Variants in SZT2 observed in about 807,000 individuals in gnomAD.
SZT2 encodes the protein KICSTOR complex protein SZT2.
Under a neutral mutation model 404.2 loss-of-function variants are expected in SZT2, and 216 were observed. The ratio of observed to expected loss-of-function variants is 0.53; its 90% CI spans 0.48 to 0.60. SZT2 has a LOEUF of 0.60. Ranked by LOEUF, SZT2 falls within the 20% of genes least tolerant of loss-of-function variation. The probability of loss-of-function intolerance (pLI) is 0.00; values close to 1 mark genes in which losing one functional copy is unlikely to be tolerated. For missense variants in SZT2, 3,857 were observed against 4,459.2 expected (o/e 0.86, Z 3.85); for synonymous variants, 1,693 against 1,749.9 (o/e 0.97, Z 0.81).
chr1:43,439,262 T>TATCTACCTGCACCACATTCCCCAC lies in SZT2; in HGVS notation c.6793-95_6793-72dup. The stretch of plus-strand genomic sequence containing the variant: ...CCGCCTGTGTCTTCTCATGCTCCCA[T>TATCTACCTGCACCACATTCCCCAC]ATCTACCTGCACCACATTCCCCACT... On this transcript the variant is annotated intron_variant, in intron 48 of 71. Coordinates refer to ENST00000634258, the MANE Select transcript of SZT2 (RefSeq NM_001365999.1). This position sits in a 1 kb window ranked among gnomAD's most constrained non-coding sequence, Gnocchi z 4.2. 1.3e-6 allele frequency: 2 copies of TATCTACCTGCACCACATTCCCCAC among 1,533,054 alleles called. No homozygotes were observed. Among genetic ancestry groups the TATCTACCTGCACCACATTCCCCAC allele is most frequent in the East Asian group, 4.5e-5 (2 of 44,466 alleles). The allele number at this position is 1,533,054 out of a possible 1,614,324, so 95.0% of individuals were successfully genotyped here.
Position 43,453,596 on chromosome 1 carries a change from CG to C in SZT2, c.*3121del, listed in dbSNP as rs1250846673. 5 of 1,524,328 alleles carry C rather than the reference CG, an allele frequency of 3.3e-6. No individual in the cohort carries two copies. The highest frequency in any genetic ancestry group is 4.4e-6 in the Non-Finnish European group (5 of 1,136,072). The allele number at this position is 1,524,328 out of a possible 1,614,324, so 94.4% of individuals were successfully genotyped here. On this transcript the variant is annotated 3_prime_UTR_variant, in exon 72 of 72. Coordinates refer to ENST00000634258, the MANE Select transcript of SZT2 (RefSeq NM_001365999.1). ...CAGCCCTCCCGGCCCGCGACGCACCCGGGGGCGTGTTGATCAGTACAAGCCG... is the reference window on the plus strand; with the variant it reads ...CAGCCCTCCCGGCCCGCGACGCACCCGGGGCGTGTTGATCAGTACAAGCCG...
At chr1:43,407,469 T>TCACGC (rs983670657) in intron 4 of SZT2, among the ~76,000 whole-genome samples, 2 of 151,608 alleles carry the variant, frequency 1.3e-5, no homozygotes, top group African/African-American at 4.9e-5. Context: ...TGAGCCAAGA[T>TCACGC]CACGCCACTG....
chr1:43,450,734 G>A lies in SZT2; in HGVS notation c.*254G>A, dbSNP rs1411101883. 1.3e-5 allele frequency: 9 copies of A among 698,194 alleles called. No homozygotes were observed. The highest frequency in any genetic ancestry group is 2.3e-5 in the Non-Finnish European group (9 of 389,360). 43.2% of individuals were successfully genotyped at this position (698,194 alleles called of 1,614,324 possible). The stretch of plus-strand genomic sequence containing the variant: ...TCAGGTCAACCCCGAGGACCCCTTG[G>A]GCCCTTCTGGGGTACTCCTTTCGGC... On this transcript the variant is annotated 3_prime_UTR_variant, in exon 72 of 72. Coordinates refer to ENST00000634258, the MANE Select transcript of SZT2 (RefSeq NM_001365999.1). The surrounding 1 kb of genome is among the most constrained non-coding windows in gnomAD (Gnocchi z 4.3).
chr1:43,441,729 G>A lies in SZT2; in HGVS notation c.7653G>A (p.Arg2551=), dbSNP rs1203994330. Residue 2551 remains arginine, a synonymous_variant, in exon 55 of 72, where the codon CGG becomes CGA. Coordinates refer to ENST00000634258, the MANE Select transcript of SZT2 (RefSeq NM_001365999.1). The surrounding 1 kb of genome is among the most constrained non-coding windows in gnomAD (Gnocchi z 4.8). ...GAAGCTCTGCCCACATGGTGTCCCG[G>A]TTCCTCCTTCCATCCATCCTGTCTG... ...VSRSSAHMVS[R]FLLPSILSEF... The A allele has an allele frequency of 6.1e-5, 98 of 1,614,018 alleles. No individual in the cohort carries two copies. Among genetic ancestry groups the A allele is most frequent in the Non-Finnish European group, 8.2e-5 (97 of 1,180,034 alleles).
chr1:43,421,547 A>C (rs1208711157), intron 11 of SZT2, among the ~76,000 whole-genome samples: 1 of 152,220 alleles, frequency 6.6e-6, no homozygotes, highest in Non-Finnish European at 1.5e-5. Flanking sequence ...CACAGTGTCT[A>C]GGTGGTGGTA....
chr1:43,423,302 C>T lies in SZT2; in HGVS notation c.2241C>T (p.Asp747=). 1 of 1,541,392 alleles carries T rather than the reference C, an allele frequency of 6.5e-7. No individual in the cohort carries two copies. Among genetic ancestry groups the T allele is most frequent in the Non-Finnish European group, 8.7e-7 (1 of 1,152,690 alleles). Residue 747 remains aspartate, a synonymous_variant, in exon 15 of 72, where the codon GAC becomes GAT. Transcript: ENST00000634258. ...TTGTGGTCCTGCATAAGCCACTGGA[C>T]AAACTGCTCATCAGGTTGGTACAGA... ...PCLVVLHKPL[D]KLLIRYEKLP... is the part of the protein sequence containing the mutation.
In SZT2 at chr1:43,443,080, C is replaced by T. The variant is rs768283714; in HGVS notation, c.8413C>T (p.Arg2805Cys). 15 of 1,611,142 alleles carry T rather than the reference C, an allele frequency of 9.3e-6. No individual in the cohort carries two copies. Among genetic ancestry groups the T allele is most frequent in the East Asian group, 4.5e-5 (2 of 44,826 alleles). The change falls in exon 59 of 72, where the codon CGC becomes TGC. Residue 2805 changes from arginine (R) to cysteine (C), a missense_variant. Arg to Cys is a radical substitution (Grantham distance 180). Coordinates refer to ENST00000634258, the MANE Select transcript of SZT2 (RefSeq NM_001365999.1). ...QQFLEIKMAERRELERQMKME... is the reference protein window; with the variant it reads ...QQFLEIKMAECRELERQMKME... ...GTTCCTAGAGATCAAGATGGCAGAG[C>T]GCAGAGGTGAGGGTACTGGGCCAGG... is the stretch of plus-strand genomic sequence containing the variant.
In SZT2 at chr1:43,437,973, C is replaced by T. The variant is rs2153935124; in HGVS notation, c.6508+71C>T. 1 of 1,466,552 alleles carries T rather than the reference C, an allele frequency of 6.8e-7. No individual in the cohort carries two copies. The highest frequency in any genetic ancestry group is 9.5e-7 in the Non-Finnish European group (1 of 1,049,794). The allele number at this position is 1,466,552 out of a possible 1,614,324, so 90.8% of individuals were successfully genotyped here. A position where few individuals can be genotyped will look rare whatever the true frequency, so the allele number is the denominator to read the frequency against. ...GAATCCTCTGGGACTTCTCTTAGAA[C>T]CTTGCAAGCATTACACTAGAAGTTA... is the stretch of plus-strand genomic sequence containing the variant. On this transcript the variant is annotated intron_variant, in intron 46 of 71. Transcript: ENST00000634258. The surrounding 1 kb of genome is among the most constrained non-coding windows in gnomAD (Gnocchi z 5.3).
rs753264789 is a variant in SZT2 at position 43,453,038 on chromosome 1, C to T, written c.*2558C>T. 2.2e-5 allele frequency: 29 copies of T among 1,333,046 alleles called. No individual in the cohort carries two copies. The highest frequency in any genetic ancestry group is 1.8e-4 in the Middle Eastern group (1 of 5,584). The allele number at this position is 1,333,046 out of a possible 1,614,324, so 82.6% of individuals were successfully genotyped here. On this transcript the variant is annotated 3_prime_UTR_variant, in exon 72 of 72. Coordinates refer to ENST00000634258, the MANE Select transcript of SZT2 (RefSeq NM_001365999.1). ...CAGTCCAAGCATCACTACCTGTAAGCAGCTTTCTCTGATCCAGACAGGGTT... is the reference window on the plus strand; with the variant it reads ...CAGTCCAAGCATCACTACCTGTAAGTAGCTTTCTCTGATCCAGACAGGGTT...
chr1:43,430,517 T>C lies in SZT2; in HGVS notation c.4502T>C (p.Val1501Ala). ...GEEGDTSACCVVTESDPELEV... is the reference protein window; with the variant it reads ...GEEGDTSACCAVTESDPELEV... ...CTAGGAGACACATCTGCCTGCTGTG[T>C]GGTCACTGAGAGTGACCCAGAGCTA... is the stretch of plus-strand genomic sequence containing the variant. Residue 1501 changes from valine to alanine, a missense_variant, in exon 32 of 72, where the codon GTG (valine) becomes GCG (alanine). Physicochemically the swap from Val to Ala is moderately conservative, Grantham distance 64. Around this residue, in one of 7 missense-constraint regions of SZT2, gnomAD observed 1,725 missense variants for 1,881.0 expected, o/e 0.92. Coordinates refer to ENST00000634258, the MANE Select transcript of SZT2 (RefSeq NM_001365999.1). 6.2e-7 allele frequency: 1 copy of C among 1,614,190 alleles called. No individual in the cohort carries two copies. Among genetic ancestry groups the C allele is most frequent in the Non-Finnish European group, 8.5e-7 (1 of 1,179,998 alleles).
Position 43,430,967 on chromosome 1 carries a change from T to C in SZT2, c.4793T>C (p.Leu1598Pro). 1 of 1,613,926 alleles carries C rather than the reference T, an allele frequency of 6.2e-7. No homozygotes were observed. The highest frequency in any genetic ancestry group is 1.3e-5 in the African/African-American group (1 of 75,048). ...PTCLGQVLSSLEGPPVGGRVP... is the reference protein window; with the variant it reads ...PTCLGQVLSSPEGPPVGGRVP... ...CTCCCAGGCCAGGTGCTTTCCAGTC[T>C]GGAGGGCCCCCCAGTTGGAGGCCGA... The change falls in exon 33 of 72, where the codon CTG becomes CCG. Residue 1598 changes from leucine to proline, a missense_variant. By Grantham distance (98) the Leu-to-Pro change is moderately conservative (BLOSUM62 -3). Coordinates refer to ENST00000634258, the MANE Select transcript of SZT2 (RefSeq NM_001365999.1).
Position 43,453,823 on chromosome 1 carries a change from G to T in SZT2, c.*3343G>T. ...GGGGAGGCCGGGCCGGGCGGAGTCC[G>T]CGGGATCCAAAGGCGGCGGGCGGCG... On this transcript the variant is annotated 3_prime_UTR_variant, in exon 72 of 72. Transcript: ENST00000634258. 2.4e-6 allele frequency: 3 copies of T among 1,236,646 alleles called. No homozygotes were observed. The highest frequency in any genetic ancestry group is 3.0e-6 in the Non-Finnish European group (3 of 992,692). The allele number at this position is 1,236,646 out of a possible 1,614,324, so 76.6% of individuals were successfully genotyped here.
At chr1:43,407,381 T>C (rs991722333) in intron 4 of SZT2, among the ~76,000 whole-genome samples, 2 of 152,122 alleles carry the variant, frequency 1.3e-5, no homozygotes, top group Non-Finnish European at 2.9e-5. Context: ...CTGGGCGTGA[T>C]GGTGCATATC....
chr1:43,407,917 C>G (rs1570579778), intron 4 of SZT2, among the ~76,000 whole-genome samples: 1 of 148,144 alleles, frequency 6.8e-6, no homozygotes, highest in South Asian at 2.2e-4. Flanking sequence ...ACTGCAACCT[C>G]CACCTCCTGG....
rs528523970 is a variant in SZT2, at chr1:43,426,532, G to A, written c.3208G>A (p.Val1070Ile). The A allele has an allele frequency of 3.6e-5, 56 of 1,571,392 alleles. No individual in the cohort carries two copies. The African/African-American group carries it at 5.1e-4, about 14-fold the overall frequency. The change falls in exon 22 of 72, where the codon GTT becomes ATT. Residue 1070 changes from valine to isoleucine, a missense_variant. Coordinates refer to ENST00000634258, the MANE Select transcript of SZT2 (RefSeq NM_001365999.1). The surrounding 1 kb of genome is among the most constrained non-coding windows in gnomAD (Gnocchi z 4.9). ...LSEVLRRTCH[V>I]PGAEGPLLGV... ...TGAGGTGCTGCGGCGGACCTGCCAC[G>A]TTCCAGGTGAGTTCCCCACATCCTC...
At chr1:43,399,854 C>G (rs1249748943) in intron 1 of SZT2, among the ~76,000 whole-genome samples, 1 of 152,100 alleles carries the variant, frequency 6.6e-6, no homozygotes, top group Non-Finnish European at 1.5e-5. Context: ...AATCCAAAAT[C>G]CTAGCCAGGA....
chr1:43,437,823 C>A lies in SZT2; in HGVS notation c.6429C>A (p.Ser2143Arg). ...GTTCTCCCTTAGACATGGTCTCTAG[C>A]CGCAGTTCAGATGCTGCTCGTCCTG... ...GPRSPLDMVS[S>R]RSSDAARPVG... is the part of the protein sequence containing the mutation. The change falls in exon 46 of 72, where the codon AGC becomes AGA. Residue 2143 changes from serine (S) to arginine (R), a missense_variant. Ser to Arg is a moderately radical substitution (Grantham distance 110). Coordinates refer to ENST00000634258, the MANE Select transcript of SZT2 (RefSeq NM_001365999.1). The surrounding 1 kb of genome is among the most constrained non-coding windows in gnomAD (Gnocchi z 5.3). The A allele has an allele frequency of 6.2e-7, 1 of 1,614,152 alleles. No individual in the cohort carries two copies.
chr1:43,406,305 C>T, intron 4 of SZT2: 1 of 262,416 alleles, frequency 3.8e-6, no homozygotes, highest in Non-Finnish European at 7.6e-6. Context: ...ACCATGTTGG[C>T]CAGGCTGCCC....
At position 43,404,547 on chromosome 1, in the gene SZT2, C is replaced by G. The variant is rs1301468452; in HGVS notation, c.495C>G (p.His165Gln). 1 of 1,612,466 alleles carries G rather than the reference C, an allele frequency of 6.2e-7. No homozygotes were observed. Among genetic ancestry groups the G allele is most frequent in the Non-Finnish European group, 8.5e-7 (1 of 1,179,192 alleles). ...AYSSIIGLQS[H>Q]QVLVQGCLLD... ...CCTCCATCATTGGACTGCAGTCCCA[C>G]CAGGTATTGCATCATCTCTCCAAGT... The change falls in exon 4 of 72, where the codon CAC becomes CAG. Residue 165 changes from histidine to glutamine, a missense_variant. Transcript: ENST00000634258.
Sources: gnomAD v4.1 joint callset for allele counts (sites outside exome capture counted in the v4.1 genomes callset) on GRCh38, gnomAD v4.1.1 for gene constraint, gnomAD v4.1.1 regional missense constraint, Gnocchi (gnomAD v3.1) non-coding constraint, MANE v1.5 for transcripts, NCBI Gene and HGNC (gene_info 2026-07-23, HGNC 2026-07-21) for gene names.